The following NFIB variants were observed in gnomAD, a reference collection of about 807,000 sequenced individuals.
NFIB encodes the protein nuclear factor I B, also known as nuclear factor 1 B-type.
Under a neutral mutation model 61.5 loss-of-function variants are expected in NFIB, and 11 were observed. The ratio of observed to expected loss-of-function variants is 0.18; its 90% CI spans 0.11 to 0.30. The LOEUF (loss-of-function observed/expected upper bound fraction) is 0.30. NFIB is among the 10% of genes least tolerant of loss of function. NFIB has a pLI of 1.00. For missense variants in NFIB, 471 were observed against 608.9 expected (o/e 0.77, Z 2.38); for synonymous variants, 260 against 216.5 (o/e 1.20, Z -1.76).
chr9:14,340,669 C>A (rs1156276609), intron 1 of NFIB, among the ~76,000 whole-genome samples: 1 of 152,196 alleles, frequency 6.6e-6, no homozygotes, highest in Non-Finnish European at 1.5e-5. Flanking sequence ...GCTCTTCAAA[C>A]CTTTTCGTTG....
At chr9:14,316,128 G>C (rs1160715694), upstream of NFIB, among the ~76,000 whole-genome samples, 3 of 152,190 alleles carry the variant, frequency 2.0e-5, no homozygotes, top group Non-Finnish European at 4.4e-5. Context: ...TTCACCAAGT[G>C]GGAGTTATCC....
intron 2 of NFIB, among the ~76,000 whole-genome samples, chr9:14,181,289 G>T (rs555511817): frequency 1.3e-5 from 2 of 152,100 alleles, no homozygotes; most frequent in Non-Finnish European, 2.9e-5. Context: ...GATCTTGGCA[G>T]GCATATTTAG....
chr9:14,214,167 G>A (rs908176502), intron 2 of NFIB, among the ~76,000 whole-genome samples: 2 of 152,082 alleles, frequency 1.3e-5, no homozygotes, highest in Admixed American at 6.6e-5. Context: ...AGCCCAAAGA[G>A]AGAACCTGCA....
intron 2 of NFIB, among the ~76,000 whole-genome samples, chr9:14,271,070 C>T (rs1048040940): frequency 1.3e-5 from 2 of 152,046 alleles, no homozygotes; most frequent in African/African-American, 4.8e-5. Context: ...CAACCAGAGG[C>T]CATAACCATG....
chr9:14,501,422 T>TA, the NFIB span, among the ~76,000 whole-genome samples: 2 of 152,182 alleles, frequency 1.3e-5, no homozygotes, highest in African/African-American at 4.8e-5. Context: ...TCTTTCTTCT[T>TA]AAAAAAATGT....
chr9:14,392,695 G>C (rs1014023858), intron 1 of NFIB, among the ~76,000 whole-genome samples: 1 of 151,864 alleles, frequency 6.6e-6, no homozygotes, highest in African/African-American at 2.4e-5. Context: ...ATGATAACAA[G>C]GTGGCAGAGC....
In NFIB at chr9:14,345,596, G is replaced by C. The variant is rs376868757; in HGVS notation, c.109-38076C>G. Among the ~76,000 whole-genome samples, 11 of 152,186 alleles carry C rather than the reference G, an allele frequency of 7.2e-5. 1 individual carries two copies. The South Asian group carries it at 1.0e-3, about 14-fold the overall frequency. On this transcript the variant is annotated intron_variant, in intron 1 of 8. Coordinates refer to the NFIB transcript ENST00000380934. Reference sequence around the variant, plus strand: ...TTCGAAGCAAACGCAAATCAGAGCCGTGCTTCTGCGCTCCGAAGTGCGGCT... The same window carrying C: ...TTCGAAGCAAACGCAAATCAGAGCCCTGCTTCTGCGCTCCGAAGTGCGGCT...
chr9:14,345,818 C>T (rs1414238273), intron 1 of NFIB, among the ~76,000 whole-genome samples: 1 of 152,170 alleles, frequency 6.6e-6, no homozygotes, highest in Non-Finnish European at 1.5e-5. Context: ...GTATTTTTCT[C>T]CCCTCACACC....
At chr9:14,336,611 T>G (rs1357182412) in intron 1 of NFIB, among the ~76,000 whole-genome samples, 1 of 152,236 alleles carries the variant, frequency 6.6e-6, no homozygotes, top group Non-Finnish European at 1.5e-5. Flanking sequence ...CCATAAGCCT[T>G]TTCTGTAAAG....
At chr9:14,143,147 T>C (rs1167628081) in intron 6 of NFIB, among the ~76,000 whole-genome samples, 2 of 151,992 alleles carry the variant, frequency 1.3e-5, no homozygotes, top group African/African-American at 4.8e-5. Flanking sequence ...TAAATTACAA[T>C]TCTCTTATAA....
chr9:14,155,836 C>G lies in NFIB; in HGVS notation c.674G>C (p.Arg225Thr). ...AACAATTTACTTACTTCTGGATACT[C>G]TTACAAGTTCTGATACATTGAAGAC... Reference protein sequence around the residue: ...SGVFNVSELVRVSRTPITQGT... With the variant: ...SGVFNVSELVTVSRTPITQGT... The change falls in exon 4 of 11, where the codon AGA (arginine) becomes ACA (threonine). Residue 225 changes from arginine (R) to threonine (T), a missense_variant. Arg to Thr is a moderately conservative substitution (Grantham distance 71). This residue lies in a region of NFIB where 372 missense variants were observed against 395.6 expected (regional missense o/e 0.94). Transcript: ENST00000380953. 1 of 1,578,384 alleles carries G rather than the reference C, an allele frequency of 6.3e-7. No homozygotes were observed. The highest frequency in any genetic ancestry group is 1.7e-4 in the Middle Eastern group (1 of 5,990).
chr9:14,374,289 T>G (rs1476037396), intron 1 of NFIB, among the ~76,000 whole-genome samples: 2 of 152,308 alleles, frequency 1.3e-5, no homozygotes, highest in East Asian at 3.9e-4. Context: ...AGAGAGAAGT[T>G]TCAAAGGATA....
At chr9:14,446,701 C>A in the NFIB span, among the ~76,000 whole-genome samples, 6 of 152,180 alleles carry the variant, frequency 3.9e-5, no homozygotes, top group Admixed American at 6.5e-5. Flanking sequence ...CGGGCCCATA[C>A]TAGCTACATA....
chr9:14,319,776 C>T (rs2060621945), intron 1 of NFIB, among the ~76,000 whole-genome samples: 1 of 152,212 alleles, frequency 6.6e-6, no homozygotes, highest in South Asian at 2.1e-4. Flanking sequence ...CCCTTTCTCT[C>T]ATTTCTTCTT....
chr9:14,475,637 A>T, the NFIB span, among the ~76,000 whole-genome samples: 1 of 151,888 alleles, frequency 6.6e-6, no homozygotes, highest in African/African-American at 2.4e-5. Context: ...TTTCCCACTC[A>T]ATGACATGTC....
At chr9:14,426,451 G>C in the NFIB span, among the ~76,000 whole-genome samples, 1 of 152,116 alleles carries the variant, frequency 6.6e-6, no homozygotes, top group Non-Finnish European at 1.5e-5. Context: ...AGCTCATTGA[G>C]AACCTTCGCT....
chr9:14,138,892 A>G (rs1563825077), intron 6 of NFIB, among the ~76,000 whole-genome samples: 1 of 149,030 alleles, frequency 6.7e-6, no homozygotes, highest in Non-Finnish European at 1.5e-5. Context: ...TAGTTGATTT[A>G]TGTGTGTGTG....
the NFIB span, among the ~76,000 whole-genome samples, chr9:14,486,781 G>T: frequency 6.6e-6 from 1 of 152,016 alleles, no homozygotes; most frequent in African/African-American, 2.4e-5. Context: ...TATATAGCAT[G>T]GTGGGGTATA....
the NFIB span, among the ~76,000 whole-genome samples, chr9:14,410,488 G>A: frequency 5.9e-5 from 9 of 152,162 alleles, no homozygotes; most frequent in African/African-American, 2.2e-4. Context: ...GATTTGGGAA[G>A]AGTTACAGTT....
Sources: gnomAD v4.1 joint callset for allele counts (sites outside exome capture counted in the v4.1 genomes callset) on GRCh38, gnomAD v4.1.1 for gene constraint, gnomAD v4.1.1 regional missense constraint, MANE v1.5 for transcripts, NCBI Gene and HGNC (gene_info 2026-07-23, HGNC 2026-07-21) for gene names.